TLK2: variants seen among roughly 807,000 people sequenced by gnomAD.
TLK2 encodes the protein serine/threonine-protein kinase tousled-like 2.
In TLK2, 6 loss-of-function variants were observed where a neutral mutation model predicts 117.3. The ratio of observed to expected loss-of-function variants is 0.05; its 90% confidence interval spans 0.03 to 0.10. The LOEUF is 0.10. TLK2 is among the 10% of genes least tolerant of loss of function. TLK2 has a pLI of 1.00. For synonymous variants in TLK2, 257 were observed against 316.7 expected (o/e 0.81, Z 2.00); for missense variants, 299 against 901.2 (o/e 0.33, Z 8.56).
chr17:62,480,844 G>C (rs546616404), intron 1 of TLK2, among the ~76,000 whole-genome samples: 6 of 152,296 alleles, frequency 3.9e-5, no homozygotes, highest in African/African-American at 1.4e-4. Flanking sequence ...ATTATATGAA[G>C]GGTTTGAGGG....
chr17:62,608,371 G>A (rs1195324263), intron 21 of TLK2, among the ~76,000 whole-genome samples: 1 of 152,184 alleles, frequency 6.6e-6, no homozygotes, highest in African/African-American at 2.4e-5. Context: ...TGATAGGTGG[G>A]TGTTTTAATC....
intron 7 of TLK2, among the ~76,000 whole-genome samples, chr17:62,549,419 A>AAGT (rs1555630563): frequency 1.2e-3 from 9 of 7,746 alleles, no homozygotes; most frequent in Non-Finnish European, 1.9e-3. Context: ...AAAAAAAAAA[A>AAGT]AAAAAAAAAA....
At position 62,614,140 on chromosome 17, in the gene TLK2, AAAAAAGG is replaced by A. The variant is rs2083971288; in HGVS notation, c.*1577_*1583del. 1.3e-5 allele frequency: 2 copies of A among 151,920 alleles called. No homozygotes were observed. The highest frequency in any genetic ancestry group is 4.8e-5 in the African/African-American group (2 of 41,410). 9.4% of individuals were successfully genotyped at this position (151,920 alleles called of 1,614,324 possible). A position where few individuals can be genotyped will look rare whatever the true frequency, so the allele number is the denominator to read the frequency against. On this transcript the variant is annotated 3_prime_UTR_variant, in exon 22 of 22. Transcript: ENST00000346027. ...CTCTGTCTCAGAAAAAAAAAAAAAA[AAAAAAGG>A]AGAAATAGATGTTTCAAATATGAAC... is the stretch of plus-strand genomic sequence containing the variant.
At chr17:62,536,379 C>G (rs1390986708) in intron 7 of TLK2, 42 bp downstream of exon 7, 2 of 1,560,716 alleles carry the variant, frequency 1.3e-6, no homozygotes, top group Admixed American at 3.8e-5. Flanking sequence ...TTTCCATTGC[C>G]CTAGTGCTCC....
At position 62,518,706 on chromosome 17, in the gene TLK2, C is replaced by CA. The variant is rs1308450526; in HGVS notation, c.82-2057dup. On this transcript the variant is annotated intron_variant, in intron 2 of 21. Transcript: ENST00000346027. Reference sequence around the variant, plus strand: ...GGGCTACAGAGCGAGACTCCGTCTCCAAAAAAAAAAGAAAGAAAGGAAAAG... The same window carrying CA: ...GGGCTACAGAGCGAGACTCCGTCTCCAAAAAAAAAAAGAAAGAAAGGAAAAG... Among the ~76,000 whole-genome samples the CA allele has an allele frequency of 3.1e-3, 398 of 126,464 alleles. 1 individual carries two copies. Among genetic ancestry groups the CA allele is most frequent in the African/African-American group, 0.01 (344 of 33,700 alleles). 83.0% of individuals were successfully genotyped at this position (126,464 alleles called of 152,430 possible). A position where few individuals can be genotyped will look rare whatever the true frequency, so the allele number is the denominator to read the frequency against.
chr17:62,478,597 T>G (rs2071199216), upstream of TLK2, among the ~76,000 whole-genome samples: 1 of 150,348 alleles, frequency 6.7e-6, no homozygotes, highest in South Asian at 2.1e-4. Context: ...AGGCGCGGCT[T>G]CCTCCGCCGG....
At chr17:62,585,868 A>G (rs1482956363) in intron 15 of TLK2, 7 of 281,404 alleles carry the variant, frequency 2.5e-5, no homozygotes, top group Admixed American at 9.7e-5. Context: ...TGGTTGGGAA[A>G]TGATTCTGAA....
intron 2 of TLK2, among the ~76,000 whole-genome samples, chr17:62,499,910 C>G (rs2074046754): frequency 6.6e-6 from 1 of 151,086 alleles, no homozygotes; most frequent in Admixed American, 6.6e-5. Context: ...ACAAGTTCTC[C>G]AAAGTTTTAT....
intron 14 of TLK2, 75 bp downstream of exon 14, chr17:62,578,649 T>C: frequency 8.8e-7 from 1 of 1,132,412 alleles, no homozygotes; most frequent in Non-Finnish European, 1.3e-6. Flanking sequence ...TCTAGAATAA[T>C]GTGTTTGCTT....
intron 21 of TLK2, among the ~76,000 whole-genome samples, chr17:62,609,305 A>G: frequency 6.6e-6 from 1 of 152,074 alleles, no homozygotes; most frequent in Middle Eastern, 3.2e-3. Flanking sequence ...GCTGATCTCG[A>G]ACTCCTAGGC....
In TLK2 at chr17:62,576,701, T is replaced by G; in HGVS notation, c.1122-8T>G. 1 of 1,610,888 alleles carries G rather than the reference T, an allele frequency of 6.2e-7. No individual in the cohort carries two copies. Among genetic ancestry groups the G allele is most frequent in the Middle Eastern group, 1.7e-4 (1 of 6,046 alleles). ...TAGTTTACTGAAACTTTTACCACTG[T>G]TTTTCAGGTTAACGTTAGCAGAATA... On this transcript the variant is annotated splice_polypyrimidine_tract_variant and splice_region_variant and intron_variant, in intron 12 of 21. Transcript: ENST00000346027.
At chr17:62,595,540 A>G (rs1193444469) in intron 16 of TLK2, among the ~76,000 whole-genome samples, 1 of 151,100 alleles carries the variant, frequency 6.6e-6, no homozygotes, top group Admixed American at 6.6e-5. Context: ...AGGTGATAGG[A>G]ATTTTTCACC....
In TLK2 at chr17:62,494,985, G is replaced by A. The variant is rs537689004; in HGVS notation, c.81+13779G>A. On this transcript the variant is annotated intron_variant, in intron 2 of 21. Transcript: ENST00000346027. ...GTTTAAGACCAGCCTGGCCAACATGGTGAAACCCCGTCTTTACTAAAAAAT... is the reference window on the plus strand; with the variant it reads ...GTTTAAGACCAGCCTGGCCAACATGATGAAACCCCGTCTTTACTAAAAAAT... Among the ~76,000 whole-genome samples the A allele has an allele frequency of 2.6e-5, 4 of 152,182 alleles. No individual in the cohort carries two copies. In the South Asian group the frequency reaches 8.3e-4, roughly 32 times the overall value.
intron 7 of TLK2, among the ~76,000 whole-genome samples, chr17:62,543,009 G>C (rs2077648141): frequency 6.6e-6 from 1 of 152,122 alleles, no homozygotes. Context: ...CTTATCATCT[G>C]TGCCTGTTGC....
chr17:62,583,450 A>G (rs538332997), intron 15 of TLK2, among the ~76,000 whole-genome samples: 14 of 152,190 alleles, frequency 9.2e-5, no homozygotes, highest in African/African-American at 2.2e-4. Context: ...TCTGCTTTCA[A>G]TTCTTTTGGA....
At chr17:62,545,873 T>TTTTGTTTG (rs71155937) in intron 7 of TLK2, among the ~76,000 whole-genome samples, 20 of 150,320 alleles carry the variant, frequency 1.3e-4, no homozygotes, top group South Asian at 2.1e-4. Context: ...CCGGCTGATT[T>TTTTGTTTG]TTTGTTTGTT....
At chr17:62,551,738 A>G (rs2078479979) in intron 7 of TLK2, 1 of 153,754 alleles carries the variant, frequency 6.5e-6, no homozygotes, top group African/African-American at 2.4e-5. Context: ...TATTGAGAAT[A>G]TAATATAATT....
chr17:62,520,370 T>TC (rs2075951904), intron 2 of TLK2, among the ~76,000 whole-genome samples: 2 of 152,032 alleles, frequency 1.3e-5, no homozygotes, highest in African/African-American at 4.8e-5. Flanking sequence ...GTCGCATTCT[T>TC]CCCAGGAATA....
At chr17:62,558,653 C>T (rs1046936908) in intron 9 of TLK2, among the ~76,000 whole-genome samples, 5 of 152,148 alleles carry the variant, frequency 3.3e-5, no homozygotes, top group South Asian at 2.1e-4. Context: ...ATCTTTGCTT[C>T]GTAGATTCTT....
Sources: gnomAD v4.1 joint callset for allele counts (sites outside exome capture counted in the v4.1 genomes callset) on GRCh38, gnomAD v4.1.1 for gene constraint, MANE v1.5 for transcripts, NCBI Gene and HGNC (gene_info 2026-07-23, HGNC 2026-07-21) for gene names.